PEX13: variants seen among roughly 807,000 people sequenced by gnomAD.
PEX13 encodes the protein peroxisomal biogenesis factor 13.
A neutral mutation model predicts 34.5 loss-of-function variants in PEX13; 28 were observed. That is an observed-to-expected ratio of 0.81 (90% CI 0.60 to 1.11). PEX13 has a LOEUF of 1.11. Ranked by LOEUF, PEX13 falls within the 50% of genes most tolerant of loss-of-function variation. The pLI is 0.00. For missense variants in PEX13, 550 were observed against 491.0 expected, an observed-to-expected ratio of 1.12 and a Z score of -1.13; for synonymous variants, 177 against 175.1, an observed-to-expected ratio of 1.01 and a Z score of -0.09.
intron 2 of PEX13, among the ~76,000 whole-genome samples, chr2:61,043,252 T>G (rs552356421): frequency 2.6e-5 from 4 of 151,446 alleles, no homozygotes; most frequent in Admixed American, 1.3e-4. Context: ...ATCCTGGCAC[T>G]TTGGTAGGCC....
chr2:61,041,699 A>G (rs1303019516), intron 2 of PEX13, among the ~76,000 whole-genome samples: 5 of 152,192 alleles, frequency 3.3e-5, no homozygotes, highest in East Asian at 1.9e-4. Flanking sequence ...TGAGTGATCA[A>G]GTTGTTGTGG....
At chr2:61,031,358 T>G in intron 1 of PEX13, 61 bp from the exon 2 acceptor site, 1 of 1,243,434 alleles carries the variant, frequency 8.0e-7, no homozygotes, top group Non-Finnish European at 1.2e-6. Context: ...TGTTTAATAC[T>G]TACTTTGAAT....
rs1384143493 is a variant in PEX13 at position 61,048,551 on chromosome 2, C to G, written c.993C>G (p.Val331=). 2 of 1,613,978 alleles carry G rather than the reference C, an allele frequency of 1.2e-6. No homozygotes were observed. Among genetic ancestry groups the G allele is most frequent in the Non-Finnish European group, 1.7e-6 (2 of 1,179,922 alleles). The change falls in exon 4 of 4, where the codon GTC becomes GTG. Residue 331 remains valine (V), a synonymous_variant. Coordinates refer to ENST00000295030, the MANE Select transcript of PEX13 (RefSeq NM_002618.4). ...CAGGACTTATACCTGCGAATTATGT[C>G]AAAATTCTTGGCAAAAGAAAAGGTA... ...QTTGLIPANY[V]KILGKRKGRK...
intron 2 of PEX13, among the ~76,000 whole-genome samples, chr2:61,041,970 G>T (rs1460121026): frequency 6.6e-6 from 1 of 152,216 alleles, no homozygotes; most frequent in African/African-American, 2.4e-5. Context: ...TTTTTGAGGA[G>T]AAGCAAAATT....
chr2:61,021,774 G>A (rs1373516295), intron 1 of PEX13, among the ~76,000 whole-genome samples: 7 of 152,182 alleles, frequency 4.6e-5, no homozygotes, highest in Non-Finnish European at 8.8e-5. Flanking sequence ...AGTAGGGGCT[G>A]ACAGACACCT....
rs768438349 is a variant in PEX13 at position 61,031,735 on chromosome 2, G to T, written c.409G>T (p.Val137Leu). 2 of 1,614,168 alleles carry T rather than the reference G, an allele frequency of 1.2e-6. No individual in the cohort carries two copies. Among genetic ancestry groups the T allele is most frequent in the South Asian group, 1.1e-5 (1 of 91,080 alleles). Residue 137 changes from valine to leucine, a missense_variant, in exon 2 of 4, where the codon GTG (valine) becomes TTG (leucine). Coordinates refer to ENST00000295030, the MANE Select transcript of PEX13 (RefSeq NM_002618.4). ...RGAFQSIESI[V>L]HAFASVSMMM... The stretch of plus-strand genomic sequence containing the variant: ...TGCATTTCAGTCCATTGAAAGTATT[G>T]TGCATGCATTTGCCTCTGTCAGTAT...
chr2:61,046,992 G>A (rs1433552447), intron 3 of PEX13, among the ~76,000 whole-genome samples: 2 of 152,032 alleles, frequency 1.3e-5, no homozygotes, highest in Non-Finnish European at 2.9e-5. Flanking sequence ...AAGGGGCTGA[G>A]GCAGAAGGAT....
At chr2:61,035,171 C>G (rs1303858893) in intron 2 of PEX13, among the ~76,000 whole-genome samples, 1 of 152,120 alleles carries the variant, frequency 6.6e-6, no homozygotes, top group Non-Finnish European at 1.5e-5. Context: ...CTGGTGATAC[C>G]CAGGCAAACA....
chr2:61,047,682 C>T (rs528176521), intron 3 of PEX13, among the ~76,000 whole-genome samples: 74 of 152,172 alleles, frequency 4.9e-4, no homozygotes, highest in Non-Finnish European at 9.4e-4. Context: ...CTCCATTGCT[C>T]AAGAAAAGTA....
chr2:61,044,651 G>A (rs1680678002), intron 2 of PEX13, among the ~76,000 whole-genome samples: 1 of 152,186 alleles, frequency 6.6e-6, no homozygotes, highest in African/African-American at 2.4e-5. Context: ...CTCCCAAAGT[G>A]CTGAGATTAC....
intron 1 of PEX13, among the ~76,000 whole-genome samples, chr2:61,025,982 C>CA (rs1269467742): frequency 6.6e-6 from 1 of 152,058 alleles, no homozygotes; most frequent in Non-Finnish European, 1.5e-5. Flanking sequence ...CTCCTTAGCC[C>CA]AGGGAGTCTT....
intron 2 of PEX13, among the ~76,000 whole-genome samples, chr2:61,035,663 C>A (rs1212512872): frequency 1.3e-5 from 2 of 152,136 alleles, no homozygotes; most frequent in South Asian, 4.1e-4. Flanking sequence ...AGCACAAGAA[C>A]TTCATGATGC....
intron 2 of PEX13, among the ~76,000 whole-genome samples, chr2:61,040,730 G>A (rs902188892): frequency 8.8e-4 from 130 of 147,708 alleles, no homozygotes; most frequent in African/African-American, 3.1e-3. Context: ...AGAACTTAAA[G>A]TATTAAATGT....
chr2:61,034,126 A>G (rs1462072958), intron 2 of PEX13, among the ~76,000 whole-genome samples: 2 of 152,040 alleles, frequency 1.3e-5, no homozygotes, highest in Admixed American at 6.5e-5. Flanking sequence ...CTTTCTGAGT[A>G]GCTGGGACTA....
chr2:61,047,290 G>T (rs1387368492), intron 3 of PEX13, among the ~76,000 whole-genome samples: 1 of 152,004 alleles, frequency 6.6e-6, no homozygotes, highest in African/African-American at 2.4e-5. Flanking sequence ...TGAGTTGCTG[G>T]GACTACAGGC....
chr2:61,022,738 G>A (rs1282370874), intron 1 of PEX13, among the ~76,000 whole-genome samples: 1 of 152,116 alleles, frequency 6.6e-6, no homozygotes. Flanking sequence ...GTAGTGGTGT[G>A]TGCCTGTAGT....
In PEX13 at chr2:61,028,392, CT is replaced by C. The variant is rs943141246; in HGVS notation, c.93-3012del. Among the ~76,000 whole-genome samples the C allele has an allele frequency of 8.7e-3, 1,173 of 135,356 alleles. 11 individuals carry two copies. The highest frequency in any genetic ancestry group is 0.018 in the African/African-American group (676 of 37,284). The allele number at this position is 135,356 out of a possible 152,430, so 88.8% of individuals were successfully genotyped here. ...TGGGGGTAGGACATTTCTTTCTTTT[CT>C]TTTTTTTTTTTTTTGAAACAGAGTC... On this transcript the variant is annotated intron_variant, in intron 1 of 3. Transcript: ENST00000295030.
chr2:61,046,293 A>C (rs1315792153), intron 3 of PEX13, among the ~76,000 whole-genome samples: 1 of 152,206 alleles, frequency 6.6e-6, no homozygotes, highest in Non-Finnish European at 1.5e-5. Flanking sequence ...TATTTTAGGA[A>C]ATAGTGTCAT....
At chr2:61,032,179 T>C in intron 2 of PEX13, 66 bp downstream of exon 2, 1 of 1,163,558 alleles carries the variant, frequency 8.6e-7, no homozygotes, top group Non-Finnish European at 1.3e-6. Flanking sequence ...AGAATAGATT[T>C]GTTAGTTTTC....
Sources: allele counts gnomAD v4.1 joint callset (sites outside exome capture counted in the v4.1 genomes callset), GRCh38; gene constraint gnomAD v4.1.1; transcripts MANE v1.5; gene names NCBI Gene and HGNC (gene_info 2026-07-23, HGNC 2026-07-21).